Variants in MED27 observed in about 807,000 individuals in gnomAD.
MED27 encodes mediator of RNA polymerase II transcription subunit 27.
In MED27, 30 loss-of-function variants were observed where a neutral mutation model predicts 38.2. The ratio of observed to expected loss-of-function variants is 0.79; its 90% CI spans 0.59 to 1.07. The LOEUF (loss-of-function observed/expected upper bound fraction) is 1.07. Ranked by LOEUF, MED27 falls within the 50% of genes least tolerant of loss-of-function variation. MED27 has a pLI of 0.00. For synonymous variants in MED27, 122 were observed against 153.5 expected (o/e 0.79, Z 1.52); for missense variants, 289 against 397.5 (o/e 0.73, Z 2.32).
chr9:132,030,404 A>G (rs2131101759), intron 2 of MED27, among the ~76,000 whole-genome samples: 1 of 152,160 alleles, frequency 6.6e-6, no homozygotes, highest in East Asian at 1.9e-4. Flanking sequence ...TAGTAAGAGC[A>G]CTGCTGAGAA....
At chr9:132,000,324 A>G (rs1832197938) in intron 3 of MED27, among the ~76,000 whole-genome samples, 1 of 152,056 alleles carries the variant, frequency 6.6e-6, no homozygotes, top group Admixed American at 6.5e-5. Context: ...ACCAGTCAGA[A>G]TGTCTAAACA....
intron 4 of MED27, among the ~76,000 whole-genome samples, chr9:131,894,698 G>A (rs995930755): frequency 6.6e-6 from 1 of 152,062 alleles, no homozygotes; most frequent in Non-Finnish European, 1.5e-5. Flanking sequence ...GCTGGAATAG[G>A]CTCAGCACCA....
intron 3 of MED27, among the ~76,000 whole-genome samples, chr9:131,983,347 T>G (rs975983259): frequency 6.6e-6 from 1 of 152,190 alleles, no homozygotes. Flanking sequence ...TTTTAAGACA[T>G]GCACAAAAAA....
intron 3 of MED27, among the ~76,000 whole-genome samples, chr9:131,967,816 T>TG (rs1223703767): frequency 7.1e-6 from 1 of 141,492 alleles, no homozygotes; most frequent in Non-Finnish European, 1.5e-5. Context: ...CAGCCTCTCA[T>TG]GATTTTTTTT....
chr9:131,964,400 GGAGGTGATAGTGA>G, intron 3 of MED27, among the ~76,000 whole-genome samples: 2 of 127,466 alleles, frequency 1.6e-5, no homozygotes, highest in Non-Finnish European at 1.8e-5. Flanking sequence ...TGGTGATGCT[GGAGGTGATAGTGA>G]TGGTGGTGGT....
intron 4 of MED27, among the ~76,000 whole-genome samples, chr9:131,896,754 CAG>C (rs1377860140): frequency 2.6e-5 from 4 of 151,996 alleles, no homozygotes; most frequent in African/African-American, 9.7e-5. Context: ...TTTTCTGAAA[CAG>C]AGTCTTGCTC....
chr9:131,876,876 A>G (rs1221866627), intron 6 of MED27, among the ~76,000 whole-genome samples: 3 of 152,222 alleles, frequency 2.0e-5, no homozygotes, highest in South Asian at 4.1e-4. Context: ...CTGTCCCCTC[A>G]GTTCTATCTG....
At chr9:132,025,180 GA>G (rs1432543548) in intron 2 of MED27, among the ~76,000 whole-genome samples, 2 of 72,976 alleles carry the variant, frequency 2.7e-5, no homozygotes, top group African/African-American at 4.5e-5. Flanking sequence ...AGATTAGAGT[GA>G]ATTTTTTTTT....
At chr9:131,969,969 G>T (rs58231900) in intron 3 of MED27, among the ~76,000 whole-genome samples, 25,186 of 152,182 alleles carry the variant, frequency 0.17, 2,196 homozygotes, top group East Asian at 0.28. Flanking sequence ...GGAGGGCTGG[G>T]GGGGGGTGGG....
chr9:132,018,854 T>G (rs1474178980), intron 2 of MED27, among the ~76,000 whole-genome samples: 1 of 152,234 alleles, frequency 6.6e-6, no homozygotes, highest in African/African-American at 2.4e-5. Context: ...ACCAAAGGCT[T>G]CTTTAAGGGT....
intron 6 of MED27, among the ~76,000 whole-genome samples, chr9:131,865,327 G>T (rs937421815): frequency 6.6e-6 from 1 of 152,108 alleles, no homozygotes; most frequent in East Asian, 1.9e-4. Flanking sequence ...CAAAATGACT[G>T]GTGGTAATTG....
intron 4 of MED27, among the ~76,000 whole-genome samples, chr9:131,916,399 T>A (rs1195100487): frequency 6.6e-6 from 1 of 152,206 alleles, no homozygotes; most frequent in East Asian, 1.9e-4. Context: ...GGCCTCTGTG[T>A]TAATAACTCT....
At chr9:131,894,401 T>C (rs940490997) in intron 4 of MED27, among the ~76,000 whole-genome samples, 4 of 152,182 alleles carry the variant, frequency 2.6e-5, no homozygotes, top group African/African-American at 4.8e-5. Flanking sequence ...TGTATACCTA[T>C]GCAATATGTA....
chr9:131,907,954 C>G (rs1384955940), intron 4 of MED27, among the ~76,000 whole-genome samples: 4 of 151,298 alleles, frequency 2.6e-5, no homozygotes, highest in Non-Finnish European at 5.9e-5. Flanking sequence ...GCTGCCCCAT[C>G]TGAGAAGTGA....
chr9:131,879,261 G>A (rs1329647113), intron 6 of MED27, among the ~76,000 whole-genome samples: 1 of 152,202 alleles, frequency 6.6e-6, no homozygotes, highest in East Asian at 1.9e-4. Flanking sequence ...GTTTGGCTCT[G>A]CAAGGCAATC....
intron 2 of MED27, among the ~76,000 whole-genome samples, chr9:132,059,624 A>C (rs2131148384): frequency 6.6e-6 from 1 of 152,322 alleles, no homozygotes; most frequent in East Asian, 1.9e-4. Context: ...TGGAAGCCTT[A>C]AACACAAGAT....
chr9:131,992,464 C>T (rs183137986), intron 3 of MED27, among the ~76,000 whole-genome samples: 164 of 152,258 alleles, frequency 1.1e-3, no homozygotes, highest in Admixed American at 3.1e-3. Flanking sequence ...GTGGCGTGAT[C>T]ACAGCTCACT....
In MED27 at chr9:131,861,514, C is replaced by T. The variant is rs1838651422; in HGVS notation, c.802-842G>A. ...CTTCCATCTTCACCACAGCTGCCTT[C>T]ATGGTGACAGGGCATGGCCCATCAG... On this transcript the variant is annotated intron_variant, in intron 7 of 7. Transcript: ENST00000292035. The surrounding 1 kb of genome is among the most constrained non-coding windows in gnomAD (Gnocchi z 4.4). 1.3e-5 allele frequency among the ~76,000 whole-genome samples: 2 copies of T among 152,236 alleles called. No homozygotes were observed. The highest frequency in any genetic ancestry group is 2.9e-5 in the Non-Finnish European group (2 of 68,040).
In MED27 at chr9:131,861,663, T is replaced by C. The variant is rs1198827005; in HGVS notation, c.802-991A>G. 6.6e-6 allele frequency among the ~76,000 whole-genome samples: 1 copy of C among 152,176 alleles called. No individual in the cohort carries two copies. The highest frequency in any genetic ancestry group is 1.5e-5 in the Non-Finnish European group (1 of 68,046). ...GAAGAAGTTCTGTCTCTGCCACAAA[T>C]AGTACTCATGTCTGTGCCTCAAATC... On this transcript the variant is annotated intron_variant, in intron 7 of 7. Transcript: ENST00000292035. This position sits in a 1 kb window ranked among gnomAD's most constrained non-coding sequence, Gnocchi z 4.4.
Sources: allele counts gnomAD v4.1 joint callset (sites outside exome capture counted in the v4.1 genomes callset), GRCh38; gene constraint gnomAD v4.1.1; non-coding constraint Gnocchi (gnomAD v3.1); transcripts MANE v1.5; gene names NCBI Gene and HGNC (gene_info 2026-07-23, HGNC 2026-07-21).